CACNA2D3: variants seen among roughly 807,000 people sequenced by gnomAD.
The protein encoded by CACNA2D3 is voltage-dependent calcium channel subunit alpha-2/delta-3.
In CACNA2D3, 60 loss-of-function variants were observed where a neutral mutation model predicts 160.6. That is an observed-to-expected ratio of 0.37 (90% CI 0.30 to 0.46). CACNA2D3 has a LOEUF of 0.46. CACNA2D3 is among the 20% of genes least tolerant of loss of function. The probability of loss-of-function intolerance (pLI) is 1.00; values close to 1 mark genes in which losing one functional copy is unlikely to be tolerated. For missense variants in CACNA2D3, 1,205 were observed against 1,365.0 expected (o/e 0.88, Z 1.85); for synonymous variants, 558 against 492.9 (o/e 1.13, Z -1.75).
chr3:54,884,287 C>T (rs1699875799), intron 21 of CACNA2D3, among the ~76,000 whole-genome samples: 2 of 152,182 alleles, frequency 1.3e-5, no homozygotes, highest in Non-Finnish European at 2.9e-5. Flanking sequence ...ACATGACATC[C>T]CCAAGGTCAT....
At chr3:54,740,814 G>C (rs947291337) in intron 11 of CACNA2D3, among the ~76,000 whole-genome samples, 1 of 152,148 alleles carries the variant, frequency 6.6e-6, no homozygotes, top group Non-Finnish European at 1.5e-5. Flanking sequence ...CAAGAACTTG[G>C]GAAAAGGCAA....
At chr3:54,748,183 C>T (rs1170649985) in intron 11 of CACNA2D3, among the ~76,000 whole-genome samples, 1 of 152,198 alleles carries the variant, frequency 6.6e-6, no homozygotes, top group Non-Finnish European at 1.5e-5. Context: ...AGCCTATTTT[C>T]TGTCTGTGCA....
At chr3:54,910,993 T>C (rs1368167951) in intron 27 of CACNA2D3, among the ~76,000 whole-genome samples, 2 of 152,170 alleles carry the variant, frequency 1.3e-5, no homozygotes. Context: ...TTGTGCCCAA[T>C]CCCAGTAGCC....
chr3:55,015,414 A>T (rs1459397303), intron 34 of CACNA2D3, among the ~76,000 whole-genome samples: 1 of 152,178 alleles, frequency 6.6e-6, no homozygotes, highest in African/African-American at 2.4e-5. Context: ...TTTTACTATT[A>T]AATTAATTAA....
At chr3:54,923,677 T>C (rs1158593328) in intron 27 of CACNA2D3, among the ~76,000 whole-genome samples, 1 of 152,216 alleles carries the variant, frequency 6.6e-6, no homozygotes, top group African/African-American at 2.4e-5. Flanking sequence ...GAATGAATCA[T>C]GCTGAGAGCT....
At position 54,937,664 on chromosome 3, in the gene CACNA2D3, C is replaced by A. The variant is rs145701305; in HGVS notation, c.2450-30786C>A. Among the ~76,000 whole-genome samples the A allele has an allele frequency of 2.0e-3, 300 of 152,170 alleles. 2 individuals are homozygous for A. Among genetic ancestry groups the A allele is most frequent in the African/African-American group, 6.3e-3 (260 of 41,524 alleles). On this transcript the variant is annotated intron_variant, in intron 27 of 37. Coordinates refer to ENST00000474759, the MANE Select transcript of CACNA2D3 (RefSeq NM_018398.3). ...AGCCTGAGAGGTGAGGGCAGGCATCCCAATGGATGTTATAGCCAGGCTGAA... is the reference window on the plus strand; with the variant it reads ...AGCCTGAGAGGTGAGGGCAGGCATCACAATGGATGTTATAGCCAGGCTGAA...
intron 27 of CACNA2D3, among the ~76,000 whole-genome samples, chr3:54,906,736 T>C (rs981938541): frequency 2.0e-5 from 3 of 152,212 alleles, no homozygotes; most frequent in African/African-American, 7.2e-5. Flanking sequence ...ATGGGACTTT[T>C]TATATGTTTG....
chr3:54,218,777 A>T (rs1231250645), intron 2 of CACNA2D3, among the ~76,000 whole-genome samples: 1 of 152,122 alleles, frequency 6.6e-6, no homozygotes, highest in Non-Finnish European at 1.5e-5. Context: ...AGGGAAAAAG[A>T]TATTCCTTGC....
At chr3:54,582,286 A>G (rs1297219077) in intron 9 of CACNA2D3, among the ~76,000 whole-genome samples, 1 of 152,168 alleles carries the variant, frequency 6.6e-6, no homozygotes, top group Non-Finnish European at 1.5e-5. Flanking sequence ...GTCTGCTATT[A>G]AAGGTAAGCT....
intron 17 of CACNA2D3, among the ~76,000 whole-genome samples, chr3:54,870,457 C>T (rs1435054687): frequency 2.0e-5 from 3 of 152,076 alleles, no homozygotes; most frequent in Non-Finnish European, 2.9e-5. Flanking sequence ...TATATTTTTC[C>T]AATGTGCCAT....
At chr3:54,242,547 A>C (rs568909095) in intron 2 of CACNA2D3, among the ~76,000 whole-genome samples, 3 of 152,192 alleles carry the variant, frequency 2.0e-5, no homozygotes, top group Non-Finnish European at 4.4e-5. Context: ...ATTATGAAAT[A>C]AAATAAGGGT....
At chr3:55,026,798 A>G (rs1044537143) in intron 35 of CACNA2D3, among the ~76,000 whole-genome samples, 4 of 152,180 alleles carry the variant, frequency 2.6e-5, no homozygotes, top group African/African-American at 9.6e-5. Flanking sequence ...CCTTTGAAGG[A>G]CTTCAAATGC....
intron 2 of CACNA2D3, among the ~76,000 whole-genome samples, chr3:54,228,789 C>T (rs548405940): frequency 6.6e-6 from 1 of 152,332 alleles, no homozygotes; most frequent in East Asian, 1.9e-4. Flanking sequence ...AGGAATATTA[C>T]TGCCTATATT....
chr3:54,567,618 C>T (rs565196518), intron 6 of CACNA2D3, among the ~76,000 whole-genome samples: 1 of 152,250 alleles, frequency 6.6e-6, no homozygotes, highest in African/African-American at 2.4e-5. Context: ...TCACTGCAAC[C>T]TCTGCTGCCC....
At chr3:54,969,408 T>C (rs986177430) in intron 28 of CACNA2D3, among the ~76,000 whole-genome samples, 6 of 151,926 alleles carry the variant, frequency 3.9e-5, no homozygotes, top group African/African-American at 1.5e-4. Flanking sequence ...TACAGGTGCC[T>C]GCCACCACAC....
chr3:54,179,072 G>A (rs1700730391), intron 2 of CACNA2D3, among the ~76,000 whole-genome samples: 1 of 152,148 alleles, frequency 6.6e-6, no homozygotes, highest in South Asian at 2.1e-4. Flanking sequence ...GGTTAGTAGT[G>A]GCTTGAAGCC....
intron 11 of CACNA2D3, among the ~76,000 whole-genome samples, chr3:54,726,540 C>G (rs2107001880): frequency 6.6e-6 from 1 of 152,330 alleles, no homozygotes; most frequent in East Asian, 1.9e-4. Flanking sequence ...ACCAAAACAG[C>G]ATGGTGTACT....
At chr3:54,994,254 C>T (rs370387867) in intron 31 of CACNA2D3, among the ~76,000 whole-genome samples, 39 of 152,228 alleles carry the variant, frequency 2.6e-4, no homozygotes, top group African/African-American at 9.1e-4. Context: ...TCAGCGAGTG[C>T]CCTGGCCTTG....
chr3:54,640,461 A>G (rs928825220), intron 10 of CACNA2D3, among the ~76,000 whole-genome samples: 5 of 152,100 alleles, frequency 3.3e-5, no homozygotes, highest in African/African-American at 1.2e-4. Context: ...AATTAAGGGA[A>G]TTTTTCACCC....
Sources: gnomAD v4.1 joint callset for allele counts (sites outside exome capture counted in the v4.1 genomes callset) on GRCh38, gnomAD v4.1.1 for gene constraint, MANE v1.5 for transcripts, NCBI Gene and HGNC (gene_info 2026-07-23, HGNC 2026-07-21) for gene names.